The following GLRA3 variants were observed in gnomAD, a reference collection of about 807,000 sequenced individuals.
The protein encoded by GLRA3 is glycine receptor subunit alpha-3.
Under a neutral mutation model 60.4 loss-of-function variants are expected in GLRA3, and 44 were observed. The observed-to-expected ratio is 0.73, with a 90% CI of 0.57 to 0.94. The LOEUF (loss-of-function observed/expected upper bound fraction) is 0.94, where lower values mean the gene tolerates loss of function less well. Ranked by LOEUF, GLRA3 falls within the 40% of genes least tolerant of loss-of-function variation. The pLI is 0.00. For synonymous variants in GLRA3, 223 were observed against 192.9 expected, an observed-to-expected ratio of 1.16 and a Z score of -1.29; for missense variants, 508 against 564.6, an observed-to-expected ratio of 0.90 and a Z score of 1.02.
chr4:174,728,555 C>A lies in GLRA3; in HGVS notation c.411G>T (p.Lys137Asn). The A allele has an allele frequency of 1.9e-6, 3 of 1,613,392 alleles. No individual in the cohort carries two copies. Among genetic ancestry groups the A allele is most frequent in the Non-Finnish European group, 2.5e-6 (3 of 1,179,408 alleles). The change falls in exon 4 of 10, where the codon AAG becomes AAT. Residue 137 changes from lysine (K) to asparagine (N), a missense_variant. By Grantham distance (94) the Lys-to-Asn change is moderately conservative. This residue lies in a region of GLRA3 where 329 missense variants were observed against 349.3 expected (regional missense o/e 0.94). Coordinates refer to ENST00000274093, the MANE Select transcript of GLRA3 (RefSeq NM_006529.4). ...WKPDLFFANE[K>N]GANFHEVTTD... ...TAGTGACTTCATGAAAGTTGGCACC[C>A]TTTTCATTGGCAAAGAACAAATCAG...
intron 6 of GLRA3, among the ~76,000 whole-genome samples, chr4:174,678,278 T>C (rs1734205633): frequency 6.6e-6 from 1 of 152,204 alleles, no homozygotes; most frequent in Admixed American, 6.5e-5. Context: ...TTTTTGCTTG[T>C]GTCCTGGTTC....
intron 5 of GLRA3, among the ~76,000 whole-genome samples, chr4:174,700,278 TG>T (rs1735256283): frequency 6.6e-6 from 1 of 152,206 alleles, no homozygotes; most frequent in Admixed American, 6.5e-5. Context: ...TGAAGATTTG[TG>T]GCAACCCTAT....
At chr4:174,771,993 C>T (rs545271400) in intron 2 of GLRA3, among the ~76,000 whole-genome samples, 31 of 152,268 alleles carry the variant, frequency 2.0e-4, no homozygotes, top group Non-Finnish European at 3.8e-4. Context: ...GTGGCACATC[C>T]TAATGAGTCC....
intron 8 of GLRA3, among the ~76,000 whole-genome samples, chr4:174,657,591 A>G (rs1239522334): frequency 2.0e-5 from 3 of 152,062 alleles, no homozygotes; most frequent in Non-Finnish European, 4.4e-5. Context: ...CAGCATTTGT[A>G]CTGTCGTTGT....
chr4:174,654,652 A>G (rs901089027), intron 9 of GLRA3, among the ~76,000 whole-genome samples: 1 of 152,058 alleles, frequency 6.6e-6, no homozygotes, highest in Non-Finnish European at 1.5e-5. Flanking sequence ...AAGCAATCTC[A>G]TTTCATTCAT....
At chr4:174,762,094 A>G (rs1182526744) in intron 3 of GLRA3, among the ~76,000 whole-genome samples, 2 of 152,194 alleles carry the variant, frequency 1.3e-5, no homozygotes, top group Non-Finnish European at 2.9e-5. Flanking sequence ...TGTGCAGTCA[A>G]AACATTTAGA....
chr4:174,659,710 G>A (rs911185081), intron 7 of GLRA3, among the ~76,000 whole-genome samples: 8 of 152,110 alleles, frequency 5.3e-5, no homozygotes, highest in South Asian at 2.1e-4. Context: ...AGTGGCTCAC[G>A]CCTGTAATCC....
At chr4:174,660,352 C>T (rs1455505158) in intron 7 of GLRA3, among the ~76,000 whole-genome samples, 1 of 152,044 alleles carries the variant, frequency 6.6e-6, no homozygotes, top group African/African-American at 2.4e-5. Flanking sequence ...ATCTGTCTCT[C>T]CTTGCTTTTT....
chr4:174,823,915 C>T (rs2111404410), intron 1 of GLRA3, among the ~76,000 whole-genome samples: 1 of 152,306 alleles, frequency 6.6e-6, no homozygotes, highest in Admixed American at 6.5e-5. Flanking sequence ...TAATAAGCCT[C>T]ATCTCTACAG....
intron 3 of GLRA3, among the ~76,000 whole-genome samples, chr4:174,751,627 G>C (rs905218654): frequency 2.0e-5 from 3 of 152,124 alleles, no homozygotes; most frequent in Non-Finnish European, 4.4e-5. Context: ...AATACCCAGT[G>C]CTCTTCCCAT....
intron 2 of GLRA3, among the ~76,000 whole-genome samples, chr4:174,785,166 C>T (rs1285629248): frequency 6.6e-6 from 1 of 151,650 alleles, no homozygotes; most frequent in Non-Finnish European, 1.5e-5. Context: ...TTAAAGTGTA[C>T]TTTTTAAAGA....
chr4:174,800,641 T>C (rs559272341), intron 1 of GLRA3, among the ~76,000 whole-genome samples: 1 of 152,154 alleles, frequency 6.6e-6, no homozygotes, highest in South Asian at 2.1e-4. Flanking sequence ...CTATCACTTG[T>C]CTCAGCCACC....
At chr4:174,681,482 A>C (rs1734339346) in intron 6 of GLRA3, among the ~76,000 whole-genome samples, 1 of 152,170 alleles carries the variant, frequency 6.6e-6, no homozygotes, top group Non-Finnish European at 1.5e-5. Flanking sequence ...GAAAGAGGGA[A>C]ATTTGGACAT....
intron 1 of GLRA3, among the ~76,000 whole-genome samples, chr4:174,819,467 C>T (rs1029319004): frequency 1.3e-5 from 2 of 152,162 alleles, no homozygotes; most frequent in Admixed American, 1.3e-4. Context: ...GCCAACAGTG[C>T]TTTTCCTGAC....
At chr4:174,678,255 A>C (rs1197756051) in intron 6 of GLRA3, among the ~76,000 whole-genome samples, 1 of 152,192 alleles carries the variant, frequency 6.6e-6, no homozygotes, top group Non-Finnish European at 1.5e-5. Flanking sequence ...TTTAATAAAC[A>C]TTAAGTCGAT....
At chr4:174,801,123 G>A (rs1169202643) in intron 1 of GLRA3, among the ~76,000 whole-genome samples, 1 of 151,848 alleles carries the variant, frequency 6.6e-6, no homozygotes, top group Non-Finnish European at 1.5e-5. Context: ...TTCAACTTAT[G>A]ATGAGTTTAT....
chr4:174,653,958 C>T (rs2110871768), intron 9 of GLRA3, among the ~76,000 whole-genome samples: 1 of 152,132 alleles, frequency 6.6e-6, no homozygotes, highest in African/African-American at 2.4e-5. Flanking sequence ...TGAAGTCTTG[C>T]AATTTTTGTC....
intron 5 of GLRA3, among the ~76,000 whole-genome samples, chr4:174,690,667 C>A (rs907012112): frequency 2.0e-5 from 3 of 152,104 alleles, no homozygotes; most frequent in African/African-American, 7.2e-5. Flanking sequence ...CTTCCTCTCC[C>A]ACCTCAAGTA....
At chr4:174,662,704 TC>T (rs1308529940) in intron 7 of GLRA3, among the ~76,000 whole-genome samples, 4 of 152,118 alleles carry the variant, frequency 2.6e-5, no homozygotes, top group Non-Finnish European at 4.4e-5. Flanking sequence ...TTCCTATCTT[TC>T]CCAGCAGGTT....
Sources: gnomAD v4.1 joint callset for allele counts (sites outside exome capture counted in the v4.1 genomes callset) on GRCh38, gnomAD v4.1.1 for gene constraint, gnomAD v4.1.1 regional missense constraint, MANE v1.5 for transcripts, NCBI Gene and HGNC (gene_info 2026-07-23, HGNC 2026-07-21) for gene names.